PTPRC: variants seen among roughly 807,000 people sequenced by gnomAD.
PTPRC encodes receptor-type tyrosine-protein phosphatase C.
A neutral mutation model predicts 155.9 loss-of-function variants in PTPRC; 44 were observed. The observed-to-expected ratio is 0.28, with a 90% CI of 0.22 to 0.36. The LOEUF is 0.36. Among genes scored for constraint, PTPRC ranks in the 10% least tolerant of loss-of-function variants. The pLI is 1.00. For missense variants in PTPRC, 1,401 were observed against 1,564.6 expected (o/e 0.90, Z 1.76); for synonymous variants, 525 against 533.1 (o/e 0.98, Z 0.21).
chr1:198,754,499 TTTG>T, intron 32 of PTPRC, 95 bp downstream of exon 32: 1 of 1,427,476 alleles, frequency 7.0e-7, no homozygotes, highest in Non-Finnish European at 9.7e-7. Flanking sequence ...TTTCCTCTCG[TTTG>T]TTCTTTTTTC....
chr1:198,728,355 T>A lies in PTPRC; in HGVS notation c.1736T>A (p.Leu579Gln). 1 of 1,612,786 alleles carries A rather than the reference T, an allele frequency of 6.2e-7. No homozygotes were observed. The highest frequency in any genetic ancestry group is 8.5e-7 in the Non-Finnish European group (1 of 1,179,370). Residue 579 changes from leucine (L) to glutamine (Q), a missense_variant, in exon 16 of 33, where the codon CTG (leucine) becomes CAG (glutamine). This residue lies in a region of PTPRC where 867 missense variants were observed against 970.4 expected (regional missense o/e 0.89). Coordinates refer to ENST00000442510, the MANE Select transcript of PTPRC (RefSeq NM_002838.5). ...TCATTTCTAGATAATTCTAAGGCAC[T>A]GATAGCATTTCTGGCATTTCTGATT... ...HHSTSYNSKA[L>Q]IAFLAFLIIV...
Position 198,706,869 on chromosome 1 carries a change from C to T in PTPRC, c.821C>T (p.Thr274Ile), listed in dbSNP as rs1653004183. The change falls in exon 9 of 33, where the codon ACA becomes ATA. Residue 274 changes from threonine (T) to isoleucine (I), a missense_variant. Coordinates refer to ENST00000442510, the MANE Select transcript of PTPRC (RefSeq NM_002838.5). The part of the protein sequence containing the change: ...TCTNNEVHNL[T>I]ECKNASVSIS... ...ACAAACAATGAGGTGCATAACCTTA[C>T]AGAATGTAAAAATGCGTCTGTTTCC... 2 of 1,613,574 alleles carry T rather than the reference C, an allele frequency of 1.2e-6. No homozygotes were observed. The highest frequency in any genetic ancestry group is 3.3e-5 in the Admixed American group (2 of 60,022).
At chr1:198,707,320 A>C (rs1653036390) in intron 9 of PTPRC, among the ~76,000 whole-genome samples, 1 of 152,172 alleles carries the variant, frequency 6.6e-6, no homozygotes, top group Non-Finnish European at 1.5e-5. Context: ...ATTTATCTGA[A>C]ATATATTAGG....
At chr1:198,705,329 C>T (rs987526948) in intron 8 of PTPRC, among the ~76,000 whole-genome samples, 1 of 152,040 alleles carries the variant, frequency 6.6e-6, no homozygotes, top group Non-Finnish European at 1.5e-5. Context: ...CATCTCTCCT[C>T]CCGCCTCTTG....
At chr1:198,669,170 GT>G (rs1424194876) in intron 2 of PTPRC, among the ~76,000 whole-genome samples, 1 of 152,208 alleles carries the variant, frequency 6.6e-6, no homozygotes, top group East Asian at 1.9e-4. Context: ...TGGTTGCATA[GT>G]AACCACAAAA....
intron 2 of PTPRC, among the ~76,000 whole-genome samples, chr1:198,684,673 CA>C (rs200766684): frequency 3.3e-5 from 5 of 150,274 alleles, no homozygotes; most frequent in Admixed American, 6.6e-5. Flanking sequence ...TTCTTTAAAA[CA>C]AAAAAAAAGA....
intron 23 of PTPRC, among the ~76,000 whole-genome samples, chr1:198,740,251 G>C (rs1477745534): frequency 6.6e-6 from 1 of 151,650 alleles, no homozygotes; most frequent in Non-Finnish European, 1.5e-5. Flanking sequence ...AAAATACAAA[G>C]CATCAATGAA....
intron 8 of PTPRC, among the ~76,000 whole-genome samples, chr1:198,705,692 A>G (rs1458077761): frequency 6.6e-6 from 1 of 152,014 alleles, no homozygotes; most frequent in Non-Finnish European, 1.5e-5. Context: ...AAATGCTAGG[A>G]TTACAGGCAT....
intron 2 of PTPRC, among the ~76,000 whole-genome samples, chr1:198,678,871 T>A (rs534913726): frequency 9.2e-5 from 14 of 152,118 alleles, no homozygotes; most frequent in Non-Finnish European, 2.1e-4. Flanking sequence ...TATTTTCATA[T>A]TAATTTGATG....
intron 14 of PTPRC, among the ~76,000 whole-genome samples, chr1:198,720,963 C>T (rs1332779326): frequency 6.6e-6 from 1 of 152,186 alleles, no homozygotes; most frequent in African/African-American, 2.4e-5. Context: ...CCTCCCTCCA[C>T]GCTCTTCCCA....
chr1:198,710,065 A>T (rs1653213808), intron 11 of PTPRC, among the ~76,000 whole-genome samples: 1 of 152,174 alleles, frequency 6.6e-6, no homozygotes, highest in African/African-American at 2.4e-5. Flanking sequence ...TGTTCTAAAA[A>T]TTTTATAGCA....
At chr1:198,650,662 G>C (rs1663196964) in intron 2 of PTPRC, among the ~76,000 whole-genome samples, 1 of 151,052 alleles carries the variant, frequency 6.6e-6, no homozygotes, top group Non-Finnish European at 1.5e-5. Flanking sequence ...CCATTCAGTA[G>C]GTCTCAACTG....
At chr1:198,718,392 C>T in intron 14 of PTPRC, 90 bp downstream of exon 14, 2 of 1,087,336 alleles carry the variant, frequency 1.8e-6, no homozygotes, top group Non-Finnish European at 2.7e-6. Flanking sequence ...CCACTGCTCA[C>T]ATGAGATTGA....
chr1:198,749,041 T>C (rs1655260739), intron 27 of PTPRC, among the ~76,000 whole-genome samples: 2 of 151,700 alleles, frequency 1.3e-5, no homozygotes, highest in African/African-American at 4.8e-5. Context: ...TTAATATTAC[T>C]GGAGTATAAT....
chr1:198,718,199 A>G lies in PTPRC; in HGVS notation c.1556A>G (p.His519Arg), dbSNP rs1203819767. 14 of 1,613,980 alleles carry G rather than the reference A, an allele frequency of 8.7e-6. No homozygotes were observed. Among genetic ancestry groups the G allele is most frequent in the Non-Finnish European group, 1.2e-5 (14 of 1,179,980 alleles). The change falls in exon 14 of 33, where the codon CAT becomes CGT. Residue 519 changes from histidine (H) to arginine (R), a missense_variant. Around this residue, in one of 3 missense-constraint regions of PTPRC, gnomAD observed 867 missense variants for 970.4 expected, o/e 0.89. Transcript: ENST00000442510. ...RDRNGPHERY[H>R]LEVEAGNTLV... is the part of the protein sequence containing the mutation. ...CGTAATGGCCCCCATGAACGTTACCATTTGGAAGTTGAAGCTGGAAATACT... is the reference window on the plus strand; with the variant it reads ...CGTAATGGCCCCCATGAACGTTACCGTTTGGAAGTTGAAGCTGGAAATACT...
chr1:198,734,424 G>A lies in PTPRC; in HGVS notation c.2276G>A (p.Arg759Lys). 6.2e-7 allele frequency: 1 copy of A among 1,610,310 alleles called. No individual in the cohort carries two copies. The highest frequency in any genetic ancestry group is 8.5e-7 in the Non-Finnish European group (1 of 1,177,314). The stretch of plus-strand genomic sequence containing the variant: ...GTCACTCGATGTGAAGAAGGAAACA[G>A]GGTAAGAACCAAGAAGATTCATAGT... Reference protein sequence around the residue: ...VMVTRCEEGNRNKCAEYWPSM... With the variant: ...VMVTRCEEGNKNKCAEYWPSM... Residue 759 changes from arginine to lysine, a missense_variant and splice_region_variant, in exon 22 of 33, where the codon AGG becomes AAG. This residue lies in a region of PTPRC where 867 missense variants were observed against 970.4 expected (regional missense o/e 0.89). Coordinates refer to ENST00000442510, the MANE Select transcript of PTPRC (RefSeq NM_002838.5).
chr1:198,656,639 G>GTTTTTTTTTTTTTTTTTTTTTTTTTT (rs201088832), intron 2 of PTPRC, among the ~76,000 whole-genome samples: 1 of 85,144 alleles, frequency 1.2e-5, no homozygotes, highest in African/African-American at 5.2e-5. Flanking sequence ...AGGGCTACTA[G>GTTTTTTTTTTTTTTTTTTTTTTTTTT]TTTTTTGTTT....
At chr1:198,705,432 C>CT (rs905823899) in intron 8 of PTPRC, among the ~76,000 whole-genome samples, 3,718 of 139,380 alleles carry the variant, frequency 0.027, 140 homozygotes, top group Admixed American at 0.092. Context: ...TTCTTTCTTT[C>CT]TTTTTTTTTT....
intron 23 of PTPRC, among the ~76,000 whole-genome samples, chr1:198,738,865 G>A (rs1178202291): frequency 3.3e-5 from 5 of 151,544 alleles, no homozygotes; most frequent in African/African-American, 9.7e-5. Context: ...CAAAAATAAT[G>A]GCAACAACAA....
Sources: allele counts gnomAD v4.1 joint callset (sites outside exome capture counted in the v4.1 genomes callset), GRCh38; gene constraint gnomAD v4.1.1; regional missense constraint gnomAD v4.1.1; transcripts MANE v1.5; gene names NCBI Gene and HGNC (gene_info 2026-07-23, HGNC 2026-07-21).